The following SAMHD1 variants were observed in gnomAD, a reference collection of about 807,000 sequenced individuals.
SAMHD1 encodes SAM and HD domain containing deoxynucleoside triphosphate triphosphohydrolase 1.
Under a neutral mutation model 79.6 loss-of-function variants are expected in SAMHD1, and 54 were observed. That is an observed-to-expected ratio of 0.68 (90% CI 0.55 to 0.85). The LOEUF (loss-of-function observed/expected upper bound fraction) is 0.85. Ranked by LOEUF, SAMHD1 falls within the 40% of genes least tolerant of loss-of-function variation. The probability of loss-of-function intolerance (pLI) is 0.00; values close to 1 mark genes in which losing one functional copy is unlikely to be tolerated. For missense variants in SAMHD1, 663 were observed against 782.7 expected (o/e 0.85, Z 1.82); for synonymous variants, 260 against 264.1 (o/e 0.98, Z 0.15).
At chr20:36,922,370 G>T (rs1030652581) in intron 6 of SAMHD1, among the ~76,000 whole-genome samples, 1 of 152,138 alleles carries the variant, frequency 6.6e-6, no homozygotes, top group African/African-American at 2.4e-5. Context: ...GAAGTATTTA[G>T]AAATAAAGTA....
At chr20:36,899,862 G>A (rs955567623) in intron 13 of SAMHD1, among the ~76,000 whole-genome samples, 2 of 152,104 alleles carry the variant, frequency 1.3e-5, no homozygotes, top group Non-Finnish European at 2.9e-5. Flanking sequence ...TTGGGAGGCC[G>A]AAGCCAGCGG....
intron 4 of SAMHD1, among the ~76,000 whole-genome samples, chr20:36,932,224 G>C (rs62208120): frequency 0.22 from 33,561 of 151,436 alleles, 4,468 homozygotes; most frequent in East Asian, 0.46. Context: ...CTGCTTGGAA[G>C]GCTGTAATCC....
At chr20:36,905,629 CA>C (rs1259844814) in intron 11 of SAMHD1, 126 bp from the exon 12 acceptor site, 2 of 846,846 alleles carry the variant, frequency 2.4e-6, no homozygotes, top group Admixed American at 2.5e-5. Context: ...ATTATTTTAG[CA>C]ATGTGAGAAA....
intron 9 of SAMHD1, among the ~76,000 whole-genome samples, chr20:36,916,032 G>A (rs2063472256): frequency 6.6e-6 from 1 of 152,010 alleles, no homozygotes; most frequent in East Asian, 1.9e-4. Context: ...ATAGTGGCGA[G>A]TGCCTGTAGT....
At chr20:36,899,166 A>C (rs560104768) in intron 13 of SAMHD1, among the ~76,000 whole-genome samples, 21 of 151,668 alleles carry the variant, frequency 1.4e-4, no homozygotes, top group Admixed American at 6.6e-4. Flanking sequence ...TTTAAAATAA[A>C]ATCCCAGGCC....
At chr20:36,897,800 T>C in intron 15 of SAMHD1, 22 bp downstream of exon 15, 1 of 1,614,152 alleles carries the variant, frequency 6.2e-7, no homozygotes, top group Non-Finnish European at 8.5e-7. Context: ...TGTGCAAAGT[T>C]TGTGAGTAAC....
intron 11 of SAMHD1, among the ~76,000 whole-genome samples, chr20:36,910,940 G>C (rs2063435392): frequency 6.6e-6 from 1 of 152,036 alleles, no homozygotes; most frequent in Non-Finnish European, 1.5e-5. Context: ...TTCAAAAGGA[G>C]ATAATTACTT....
chr20:36,909,387 G>A (rs1408793735), intron 11 of SAMHD1, among the ~76,000 whole-genome samples: 3 of 152,018 alleles, frequency 2.0e-5, no homozygotes, highest in African/African-American at 7.3e-5. Flanking sequence ...AACCAGCTGT[G>A]GCTGGGCGCG....
intron 1 of SAMHD1, among the ~76,000 whole-genome samples, chr20:36,949,400 C>T (rs1198143178): frequency 6.7e-6 from 1 of 149,854 alleles, no homozygotes; most frequent in Non-Finnish European, 1.5e-5. Context: ...GATGGTCACT[C>T]GAAGCCAAGA....
At position 36,905,474 on chromosome 20, in the gene SAMHD1, T is replaced by A; in HGVS notation, c.1300A>T (p.Thr434Ser). ...CGTGCGTCTTTCAATTTGGGATCAGTAGAGTATAAAATCTCCAGAAAAATG... is the reference window on the plus strand; with the variant it reads ...CGTGCGTCTTTCAATTTGGGATCAGAAGAGTATAAAATCTCCAGAAAAATG... ...DNIFLEILYS[T>S]DPKLKDAREI... The change falls in exon 12 of 16, where the codon ACT becomes TCT. Residue 434 changes from threonine to serine, a missense_variant. Thr to Ser is a moderately conservative substitution (Grantham distance 58, BLOSUM62 1). Transcript: ENST00000646673. 1.2e-6 allele frequency: 2 copies of A among 1,612,116 alleles called. No homozygotes were observed. The highest frequency in any genetic ancestry group is 1.7e-6 in the Non-Finnish European group (2 of 1,178,216).
At chr20:36,919,826 TATC>T (rs1179350981) in intron 6 of SAMHD1, among the ~76,000 whole-genome samples, 3 of 152,216 alleles carry the variant, frequency 2.0e-5, no homozygotes, top group African/African-American at 4.8e-5. Flanking sequence ...TTTTAATAAA[TATC>T]ATCATAAAAT....
At chr20:36,920,589 T>A (rs1349912774) in intron 6 of SAMHD1, among the ~76,000 whole-genome samples, 5 of 151,654 alleles carry the variant, frequency 3.3e-5, no homozygotes, top group Non-Finnish European at 7.4e-5. Context: ...TGGCAAAACC[T>A]CCTGTCTACT....
intron 9 of SAMHD1, among the ~76,000 whole-genome samples, chr20:36,912,889 GTTTTTTTTT>G (rs71186089): frequency 0.011 from 441 of 41,102 alleles, 11 homozygotes; most frequent in Admixed American, 0.018. Context: ...TTCATTCTTT[GTTTTTTTTT>G]TTTTTTTTTT....
intron 14 of SAMHD1, among the ~76,000 whole-genome samples, 179 bp from the exon 15 acceptor site, chr20:36,898,138 C>A (rs942048830): frequency 1.3e-5 from 2 of 152,024 alleles, no homozygotes; most frequent in Non-Finnish European, 2.9e-5. Context: ...CACAAGTGAT[C>A]CTCCCACCTC....
chr20:36,906,767 C>T (rs567832555), intron 11 of SAMHD1, among the ~76,000 whole-genome samples: 7 of 151,176 alleles, frequency 4.6e-5, no homozygotes, highest in Admixed American at 2.0e-4. Flanking sequence ...TTTCTGCATG[C>T]GCTTTCTCCA....
intron 5 of SAMHD1, among the ~76,000 whole-genome samples, chr20:36,928,363 T>G (rs1432422183): frequency 6.8e-6 from 1 of 146,140 alleles, no homozygotes; most frequent in African/African-American, 2.5e-5. Flanking sequence ...CACCCCAGCC[T>G]GGGTGACAGA....
chr20:36,926,417 G>A (rs2063536724), intron 6 of SAMHD1, among the ~76,000 whole-genome samples: 1 of 152,116 alleles, frequency 6.6e-6, no homozygotes, highest in African/African-American at 2.4e-5. Context: ...GTGATGGTGG[G>A]GTGAGGGGGA....
chr20:36,950,157 C>T (rs1453635014), intron 1 of SAMHD1, among the ~76,000 whole-genome samples: 2 of 152,058 alleles, frequency 1.3e-5, no homozygotes, highest in Admixed American at 1.3e-4. Context: ...GTTTAAGGAA[C>T]ACACATCATT....
intron 5 of SAMHD1, among the ~76,000 whole-genome samples, chr20:36,928,128 T>TA (rs1442873806): frequency 2.6e-5 from 4 of 152,256 alleles, no homozygotes; most frequent in African/African-American, 9.6e-5. Flanking sequence ...GGCTCATGCC[T>TA]GTAATCCCAG....
Sources: gnomAD v4.1 joint callset for allele counts (sites outside exome capture counted in the v4.1 genomes callset) on GRCh38, gnomAD v4.1.1 for gene constraint, MANE v1.5 for transcripts, NCBI Gene and HGNC (gene_info 2026-07-23, HGNC 2026-07-21) for gene names.